The following FAAH2 variants were observed in gnomAD, a reference collection of about 807,000 sequenced individuals.
FAAH2 encodes fatty-acid amide hydrolase 2.
In FAAH2, 60 loss-of-function variants were observed where a neutral mutation model predicts 36.9. The ratio of observed to expected loss-of-function variants is 1.63; its 90% CI spans 1.32 to 2.02. The LOEUF (loss-of-function observed/expected upper bound fraction) is 2.02. FAAH2 is among the 30% of genes most tolerant of loss of function. The pLI, the probability that FAAH2 is intolerant of heterozygous loss-of-function variation, is 0.00. For missense variants in FAAH2, 689 were observed against 397.5 expected, an observed-to-expected ratio of 1.73 and a Z score of -6.23; for synonymous variants, 214 against 143.8, an observed-to-expected ratio of 1.49 and a Z score of -3.49.
the FAAH2 span, among the ~76,000 whole-genome samples, chrX:57,253,058 A>G: frequency 8.9e-6 from 1 of 112,181 alleles, no homozygotes; most frequent in Non-Finnish European, 1.9e-5. Context: ...TAACCAGTGT[A>G]CAGAAGAGCT....
In FAAH2 at chrX:57,394,072, C is replaced by T. The variant is rs758779362; in HGVS notation, c.996+13043C>T. The T allele has an allele frequency of 1.2e-4, 87 of 729,113 alleles. No individual in the cohort carries two copies. In the South Asian group the frequency reaches 1.3e-3, roughly 11 times the overall value. 60.1% of individuals were successfully genotyped at this position (729,113 alleles called of 1,213,427 possible). ...CATGAAATATCTGAGCATCAATAGC[C>T]GCAGCAACAAGGTTATTAGATACAG... On this transcript the variant is annotated intron_variant, in intron 7 of 10. Coordinates refer to ENST00000374900, the MANE Select transcript of FAAH2 (RefSeq NM_174912.4).
At chrX:57,417,499 C>G (rs1254736470) in intron 7 of FAAH2, among the ~76,000 whole-genome samples, 1 of 112,236 alleles carries the variant, frequency 8.9e-6, no homozygotes, top group Non-Finnish European at 1.9e-5. Flanking sequence ...TGCTGCAGGT[C>G]TGCTGGCATT....
chrX:57,406,343 G>A (rs766714380), intron 7 of FAAH2, among the ~76,000 whole-genome samples: 1 of 112,446 alleles, frequency 8.9e-6, no homozygotes, highest in South Asian at 3.7e-4. Flanking sequence ...TTGCACGTTA[G>A]CACTATGCTG....
At chrX:57,323,742 C>A (rs1286425700) in intron 3 of FAAH2, among the ~76,000 whole-genome samples, 4 of 103,643 alleles carry the variant, frequency 3.9e-5, no homozygotes, top group Non-Finnish European at 5.9e-5. Flanking sequence ...GGATATTAGC[C>A]CTTTGTCAGA....
chrX:57,188,947 G>A, the FAAH2 span, among the ~76,000 whole-genome samples: 3 of 111,207 alleles, frequency 2.7e-5, no homozygotes, highest in Admixed American at 1.9e-4. Flanking sequence ...GCTAGGTTGG[G>A]GAAGTTCTCC....
chrX:57,229,290 T>A, the FAAH2 span: 10 of 111,130 alleles, frequency 9.0e-5, no homozygotes, highest in Admixed American at 9.6e-4. Context: ...TGAAGAAAAT[T>A]GTAATTTCAT....
At chrX:57,416,572 C>T (rs1193127342) in intron 7 of FAAH2, among the ~76,000 whole-genome samples, 2 of 112,180 alleles carry the variant, frequency 1.8e-5, no homozygotes, top group African/African-American at 3.2e-5. Context: ...TCTATTCTGG[C>T]TTGCAGGGTT....
At chrX:57,261,628 G>C in the FAAH2 span, among the ~76,000 whole-genome samples, 9 of 101,520 alleles carry the variant, frequency 8.9e-5, no homozygotes, top group Non-Finnish European at 2.0e-5. Flanking sequence ...AAATCAAAAC[G>C]AATATAAAGT....
chrX:57,407,281 C>A (rs779631831), intron 7 of FAAH2, among the ~76,000 whole-genome samples: 22 of 111,785 alleles, frequency 2.0e-4, no homozygotes, highest in Admixed American at 9.5e-5. Context: ...GGTGCAAAAC[C>A]TTTATGGCAC....
At chrX:57,277,717 C>A in the FAAH2 span, among the ~76,000 whole-genome samples, 1 of 112,209 alleles carries the variant, frequency 8.9e-6, no homozygotes. Context: ...TAAGCAACTT[C>A]AGCAAAATCT....
intron 5 of FAAH2, among the ~76,000 whole-genome samples, chrX:57,360,632 A>G (rs1310938291): frequency 9.1e-6 from 1 of 110,092 alleles, no homozygotes; most frequent in Non-Finnish European, 1.9e-5. Flanking sequence ...TAATTCATAA[A>G]CCCTTTTTAA....
chrX:57,386,747 C>T (rs1015973174), intron 7 of FAAH2, among the ~76,000 whole-genome samples: 1 of 111,798 alleles, frequency 8.9e-6, no homozygotes, highest in Non-Finnish European at 1.9e-5. Context: ...GCCAATTTTC[C>T]TAAATGGGTT....
chrX:57,169,781 T>A, the FAAH2 span, among the ~76,000 whole-genome samples: 1 of 104,085 alleles, frequency 9.6e-6, no homozygotes, highest in Non-Finnish European at 2.0e-5. Flanking sequence ...TTTATCCAGC[T>A]GACCTGTCCT....
chrX:57,273,953 A>G, the FAAH2 span, among the ~76,000 whole-genome samples: 1 of 111,670 alleles, frequency 9.0e-6, no homozygotes, highest in Non-Finnish European at 1.9e-5. Flanking sequence ...AACCCTCCAA[A>G]AAATCAATGA....
intron 8 of FAAH2, among the ~76,000 whole-genome samples, chrX:57,440,954 A>T (rs962214401): frequency 8.9e-6 from 1 of 111,777 alleles, no homozygotes; most frequent in Non-Finnish European, 1.9e-5. Flanking sequence ...GATGAAGCCC[A>T]CTTGATCCTG....
chrX:57,431,754 TTTG>T (rs375398816), intron 7 of FAAH2, among the ~76,000 whole-genome samples, 161 bp from the exon 8 acceptor site: 1 of 73,441 alleles, frequency 1.4e-5, no homozygotes, highest in Non-Finnish European at 2.7e-5. Context: ...GGTGTTTTGT[TTTG>T]TTTTTGTTTT....
At chrX:57,435,064 C>A (rs1366643221) in intron 8 of FAAH2, among the ~76,000 whole-genome samples, 1 of 111,747 alleles carries the variant, frequency 8.9e-6, no homozygotes, top group Non-Finnish European at 1.9e-5. Flanking sequence ...CTTTTCCAGA[C>A]AAGCAATTGC....
At chrX:57,212,959 G>T in the FAAH2 span, among the ~76,000 whole-genome samples, 1 of 111,058 alleles carries the variant, frequency 9.0e-6, no homozygotes, top group South Asian at 3.8e-4. Context: ...GTCCAGGTTT[G>T]TTGTTGTTGT....
chrX:57,403,136 C>T (rs1316713857), intron 7 of FAAH2, among the ~76,000 whole-genome samples: 1 of 111,546 alleles, frequency 9.0e-6, no homozygotes, highest in Non-Finnish European at 1.9e-5. Flanking sequence ...CTGACTGGGC[C>T]GAATTCTCCA....
Sources: gnomAD v4.1 joint callset for allele counts (sites outside exome capture counted in the v4.1 genomes callset) on GRCh38, gnomAD v4.1.1 for gene constraint, MANE v1.5 for transcripts, NCBI Gene and HGNC (gene_info 2026-07-23, HGNC 2026-07-21) for gene names.